GRID1: variants seen among roughly 807,000 people sequenced by gnomAD.
GRID1 encodes the protein glutamate ionotropic receptor delta type subunit 1.
A neutral mutation model predicts 98.0 loss-of-function variants in GRID1; 28 were observed. The observed-to-expected ratio is 0.29, with a 90% CI of 0.21 to 0.39. The LOEUF is 0.39. Among genes scored for constraint, GRID1 ranks in the 10% least tolerant of loss-of-function variants. GRID1 has a pLI of 1.00. For missense variants in GRID1, 1,111 were observed against 1,340.5 expected (o/e 0.83, Z 2.67); for synonymous variants, 553 against 538.5 (o/e 1.03, Z -0.37).
At chr10:85,794,764 G>A (rs1355006462) in intron 8 of GRID1, among the ~76,000 whole-genome samples, 2 of 152,216 alleles carry the variant, frequency 1.3e-5, no homozygotes, top group Non-Finnish European at 2.9e-5. Context: ...AGCTGATGTG[G>A]AGATAAGACC....
intron 4 of GRID1, among the ~76,000 whole-genome samples, chr10:85,936,621 G>A (rs1272771628): frequency 6.6e-6 from 1 of 152,122 alleles, no homozygotes. Flanking sequence ...ATCCAGTTCT[G>A]TTTGTTGCCT....
At chr10:85,995,236 TG>T (rs1316838903) in intron 4 of GRID1, among the ~76,000 whole-genome samples, 3 of 152,220 alleles carry the variant, frequency 2.0e-5, no homozygotes, top group African/African-American at 7.2e-5. Context: ...GGAACTTTGA[TG>T]GGACGGCCAC....
intron 2 of GRID1, among the ~76,000 whole-genome samples, chr10:86,337,905 G>A (rs771529069): frequency 3.3e-5 from 5 of 151,712 alleles, no homozygotes; most frequent in South Asian, 2.1e-4. Context: ...ACAGGGTTTC[G>A]CCATGTTGGC....
rs575821870 is a variant in GRID1 at position 85,781,815 on chromosome 10, A to C, written c.1234-52201T>G. 9.9e-4 allele frequency among the ~76,000 whole-genome samples: 151 copies of C among 151,890 alleles called. 2 individuals carry two copies. The highest frequency in any genetic ancestry group is 3.4e-3 in the African/African-American group (143 of 41,476). ...ATATATTGTACATTTGAAAAAAAAA[A>C]AAACCAAAAACTAGTTCAAGATCAC... On this transcript the variant is annotated intron_variant, in intron 8 of 15. Transcript: ENST00000327946.
At chr10:85,743,084 CT>C (rs1360944102) in intron 8 of GRID1, among the ~76,000 whole-genome samples, 1 of 140,192 alleles carries the variant, frequency 7.1e-6, no homozygotes, top group African/African-American at 2.6e-5. Context: ...GCCAAAAACC[CT>C]TGGAGGATAG....
chr10:86,229,069 T>G (rs1846405761), intron 2 of GRID1, among the ~76,000 whole-genome samples: 1 of 152,136 alleles, frequency 6.6e-6, no homozygotes, highest in African/African-American at 2.4e-5. Flanking sequence ...GAATAGGGAC[T>G]GCTTGTAGCT....
chr10:86,009,813 C>T (rs1219839827), intron 4 of GRID1, among the ~76,000 whole-genome samples: 1 of 152,170 alleles, frequency 6.6e-6, no homozygotes, highest in Non-Finnish European at 1.5e-5. Flanking sequence ...CTGCATCAGA[C>T]ACCGGAATGG....
chr10:86,190,921 T>G (rs563426848), intron 3 of GRID1, among the ~76,000 whole-genome samples: 85 of 152,214 alleles, frequency 5.6e-4, no homozygotes, highest in Non-Finnish European at 8.5e-4. Context: ...TGCATGAGTG[T>G]GTACCTGCAT....
At chr10:86,211,221 A>T (rs1846103275) in intron 2 of GRID1, among the ~76,000 whole-genome samples, 1 of 152,146 alleles carries the variant, frequency 6.6e-6, no homozygotes, top group South Asian at 2.1e-4. Context: ...ATGCTCAAAG[A>T]TGTTTTTACA....
chr10:86,190,358 A>G (rs1362385367), intron 3 of GRID1, among the ~76,000 whole-genome samples: 1 of 152,186 alleles, frequency 6.6e-6, no homozygotes, highest in Non-Finnish European at 1.5e-5. Flanking sequence ...CCCTGTGCAC[A>G]GGCTCCAGTG....
chr10:86,028,957 A>T (rs1329168160), intron 4 of GRID1, among the ~76,000 whole-genome samples: 2 of 152,140 alleles, frequency 1.3e-5, no homozygotes, highest in African/African-American at 4.8e-5. Context: ...CCCTTACAGC[A>T]ACCCTTCTGA....
chr10:85,832,861 T>C (rs1350746984), intron 8 of GRID1, among the ~76,000 whole-genome samples: 1 of 152,124 alleles, frequency 6.6e-6, no homozygotes, highest in African/African-American at 2.4e-5. Context: ...TCAGAAGTCC[T>C]GCTGAAAAGA....
In GRID1 at chr10:86,015,139, A is replaced by G. The variant is rs371047691; in HGVS notation, c.727-98900T>C. Among the ~76,000 whole-genome samples the G allele has an allele frequency of 3.9e-5, 6 of 152,234 alleles. No individual in the cohort carries two copies. The South Asian group carries it at 6.2e-4, about 16-fold the overall frequency. ...TACCTATTCATCCTGTTTATTGTCC[A>G]TCTCCTCAAAGTCTCATCTGAGCAG... On this transcript the variant is annotated intron_variant, in intron 4 of 15. Coordinates refer to ENST00000327946, the MANE Select transcript of GRID1 (RefSeq NM_017551.3).
intron 4 of GRID1, among the ~76,000 whole-genome samples, chr10:85,933,160 C>T (rs1403843687): frequency 6.6e-6 from 1 of 151,994 alleles, no homozygotes; most frequent in African/African-American, 2.4e-5. Context: ...CTCTCTCTTA[C>T]CCTCTCTTGC....
intron 13 of GRID1, among the ~76,000 whole-genome samples, chr10:85,641,858 C>A (rs1358215812): frequency 2.0e-5 from 3 of 152,152 alleles, no homozygotes; most frequent in Non-Finnish European, 4.4e-5. Context: ...AGGGGCAGAG[C>A]CCGGATGCTA....
chr10:85,972,465 A>C (rs1353065701), intron 4 of GRID1, among the ~76,000 whole-genome samples: 2 of 148,098 alleles, frequency 1.4e-5, no homozygotes, highest in Non-Finnish European at 1.5e-5. Context: ...GTATATATTT[A>C]TATAAATATA....
chr10:86,298,563 A>T (rs1847629575), intron 2 of GRID1, among the ~76,000 whole-genome samples: 1 of 151,912 alleles, frequency 6.6e-6, no homozygotes, highest in South Asian at 2.1e-4. Flanking sequence ...AGGCCTGGAG[A>T]CCCAGGCTTC....
At chr10:86,088,051 T>A (rs72835211) in intron 4 of GRID1, among the ~76,000 whole-genome samples, 1,782 of 152,354 alleles carry the variant, frequency 0.012, 20 homozygotes, top group Middle Eastern at 0.048. Flanking sequence ...CCACAAACGC[T>A]TCCGTGGCTT....
At chr10:86,006,215 G>C (rs970730935) in intron 4 of GRID1, among the ~76,000 whole-genome samples, 5 of 152,144 alleles carry the variant, frequency 3.3e-5, no homozygotes, top group Non-Finnish European at 2.9e-5. Context: ...AGACAGATGA[G>C]GACTATTCAA....
Sources: gnomAD v4.1 joint callset for allele counts (sites outside exome capture counted in the v4.1 genomes callset) on GRCh38, gnomAD v4.1.1 for gene constraint, MANE v1.5 for transcripts, NCBI Gene and HGNC (gene_info 2026-07-23, HGNC 2026-07-21) for gene names.